Variants in SDK2 observed in about 807,000 individuals in gnomAD.
SDK2 encodes protein sidekick-2.
Under a neutral mutation model 253.9 loss-of-function variants are expected in SDK2, and 105 were observed. The observed-to-expected ratio is 0.41, with a 90% CI of 0.35 to 0.49. The LOEUF is 0.49. Ranked by LOEUF, SDK2 falls within the 20% of genes least tolerant of loss-of-function variation. The probability of loss-of-function intolerance (pLI) is 0.06; values close to 1 mark genes in which losing one functional copy is unlikely to be tolerated. For synonymous variants in SDK2, 1,249 were observed against 1,234.9 expected (o/e 1.01, Z -0.24); for missense variants, 2,608 against 3,003.0 (o/e 0.87, Z 3.07).
At chr17:73,473,566 G>T (rs991303784) in intron 2 of SDK2, among the ~76,000 whole-genome samples, 6 of 152,202 alleles carry the variant, frequency 3.9e-5, no homozygotes, top group African/African-American at 1.2e-4. Context: ...CTTATTCCTG[G>T]GAGATGCCAG....
At chr17:73,599,276 A>G (rs1392666093) in intron 1 of SDK2, among the ~76,000 whole-genome samples, 1 of 152,226 alleles carries the variant, frequency 6.6e-6, no homozygotes, top group Non-Finnish European at 1.5e-5. Flanking sequence ...TCACGCCTGT[A>G]ATCCCAGCAC....
rs560216538 is a variant in SDK2 at position 73,383,814 on chromosome 17, C to G, written c.4705+62G>C. The stretch of plus-strand genomic sequence containing the variant: ...TTCCAGGAAGCTGAGAGCTCCAGAG[C>G]GGGAAGGTGAGGGTGACCGCCCCCA... On this transcript the variant is annotated intron_variant, in intron 33 of 44. Coordinates refer to ENST00000392650, the MANE Select transcript of SDK2 (RefSeq NM_001144952.2). The surrounding 1 kb of genome is among the most constrained non-coding windows in gnomAD (Gnocchi z 4.3). 18 of 1,596,888 alleles carry G rather than the reference C, an allele frequency of 1.1e-5. No homozygotes were observed. Among genetic ancestry groups the G allele is most frequent in the Non-Finnish European group, 1.5e-5 (17 of 1,167,032 alleles).
chr17:73,491,808 C>T (rs969415652), intron 2 of SDK2, among the ~76,000 whole-genome samples: 11 of 152,134 alleles, frequency 7.2e-5, no homozygotes, highest in African/African-American at 2.7e-4. Context: ...AGAATTGGAC[C>T]AGAACTGTGC....
intron 44 of SDK2, among the ~76,000 whole-genome samples, chr17:73,340,309 A>G (rs2062423874): frequency 6.6e-6 from 1 of 152,196 alleles, no homozygotes; most frequent in South Asian, 2.1e-4. Context: ...CCATCACCCC[A>G]AAGTAAAACC....
chr17:73,381,369 A>G lies in SDK2; in HGVS notation c.4706-419T>C, dbSNP rs115373007. Among the ~76,000 whole-genome samples, 589 of 152,156 alleles carry G rather than the reference A, an allele frequency of 3.9e-3. 2 individuals are homozygous for G. Among genetic ancestry groups the G allele is most frequent in the African/African-American group, 0.014 (561 of 41,530 alleles). On this transcript the variant is annotated intron_variant, in intron 33 of 44. Coordinates refer to ENST00000392650, the MANE Select transcript of SDK2 (RefSeq NM_001144952.2). ...TTTTACTACTAGGAAATATGACTGTATTATACACAGGCAATATAAAATCAC... is the reference window on the plus strand; with the variant it reads ...TTTTACTACTAGGAAATATGACTGTGTTATACACAGGCAATATAAAATCAC...
intron 1 of SDK2, among the ~76,000 whole-genome samples, chr17:73,551,189 G>C (rs2045052255): frequency 6.6e-6 from 1 of 152,194 alleles, no homozygotes; most frequent in Admixed American, 6.5e-5. Flanking sequence ...CGCGCACCTT[G>C]TCTTCCCTCC....
intron 3 of SDK2, among the ~76,000 whole-genome samples, chr17:73,456,788 C>T (rs112337654): frequency 3.9e-5 from 6 of 152,220 alleles, no homozygotes; most frequent in Admixed American, 6.5e-5. Flanking sequence ...GGAAACTCTT[C>T]AGCCAGCCTG....
intron 2 of SDK2, among the ~76,000 whole-genome samples, chr17:73,502,422 G>A (rs1024082355): frequency 9.4e-5 from 11 of 116,784 alleles, no homozygotes; most frequent in African/African-American, 3.6e-4. Flanking sequence ...TTATTTAAAA[G>A]GTGAACCTGG....
chr17:73,395,077 C>A lies in SDK2; in HGVS notation c.3592+78G>T, dbSNP rs568583229. On this transcript the variant is annotated intron_variant, in intron 25 of 44. Coordinates refer to ENST00000392650, the MANE Select transcript of SDK2 (RefSeq NM_001144952.2). This position sits in a 1 kb window ranked among gnomAD's most constrained non-coding sequence, Gnocchi z 4.3. ...TTTGAACAACACCTTCAGCCTGGCA[C>A]GCGCTTGGATGACCCTGAGGGCATA... 4.5e-6 allele frequency: 5 copies of A among 1,123,486 alleles called. No individual in the cohort carries two copies. The Admixed American group carries it at 6.6e-5, about 15-fold the overall frequency. 69.6% of individuals were successfully genotyped at this position (1,123,486 alleles called of 1,614,324 possible). A position where few individuals can be genotyped will look rare whatever the true frequency, so the allele number is the denominator to read the frequency against.
intron 3 of SDK2, among the ~76,000 whole-genome samples, chr17:73,469,995 C>CGCGCGT: frequency 7.9e-6 from 1 of 126,458 alleles, no homozygotes; most frequent in Non-Finnish European, 1.7e-5. Flanking sequence ...CGCGCGCGCA[C>CGCGCGT]ACACACACAC....
In SDK2 at chr17:73,361,242, G is replaced by A. The variant is rs952956230; in HGVS notation, c.5467+442C>T. ...ACCCTGGGAACGTGCATTTTAGTGC[G>A]CCCTGCTCTGAGAACCGCTGCCTGG... On this transcript the variant is annotated intron_variant, in intron 39 of 44. Coordinates refer to ENST00000392650, the MANE Select transcript of SDK2 (RefSeq NM_001144952.2). This position sits in a 1 kb window ranked among gnomAD's most constrained non-coding sequence, Gnocchi z 4.1. Among the ~76,000 whole-genome samples the A allele has an allele frequency of 2.0e-5, 3 of 152,144 alleles. No homozygotes were observed. Among genetic ancestry groups the A allele is most frequent in the African/African-American group, 7.2e-5 (3 of 41,424 alleles).
At chr17:73,396,946 T>C (rs1280732343) in intron 24 of SDK2, among the ~76,000 whole-genome samples, 1 of 152,172 alleles carries the variant, frequency 6.6e-6, no homozygotes, top group Admixed American at 6.5e-5. Flanking sequence ...AATCAATAAC[T>C]CATATTTATC....
intron 44 of SDK2, among the ~76,000 whole-genome samples, chr17:73,345,414 G>A (rs892240701): frequency 1.3e-5 from 2 of 152,082 alleles, no homozygotes; most frequent in Non-Finnish European, 2.9e-5. Flanking sequence ...AAATGAAAAC[G>A]TGGTTATTTA....
chr17:73,341,366 C>A (rs1243358771), intron 44 of SDK2, among the ~76,000 whole-genome samples: 2 of 150,722 alleles, frequency 1.3e-5, no homozygotes, highest in Non-Finnish European at 1.5e-5. Context: ...ACATGGTGCA[C>A]CCCTTCCCCT....
At chr17:73,355,174 A>ATTTTTT (rs770032791) in intron 40 of SDK2, among the ~76,000 whole-genome samples, 22 of 47,228 alleles carry the variant, frequency 4.7e-4, no homozygotes, top group South Asian at 1.8e-3. Context: ...ATATATATAT[A>ATTTTTT]TTTTTTTTTT....
At chr17:73,561,560 T>C (rs1322724309) in intron 1 of SDK2, among the ~76,000 whole-genome samples, 1 of 152,170 alleles carries the variant, frequency 6.6e-6, no homozygotes, top group African/African-American at 2.4e-5. Flanking sequence ...CAGGGTCATT[T>C]TGGGGGCACT....
At chr17:73,452,992 T>A (rs1303479879) in intron 4 of SDK2, among the ~76,000 whole-genome samples, 1 of 152,242 alleles carries the variant, frequency 6.6e-6, no homozygotes. Flanking sequence ...GGGCACACTC[T>A]GACTCACACA....
chr17:73,415,851 C>T lies in SDK2; in HGVS notation c.2328G>A (p.Gly776=). The T allele has an allele frequency of 6.4e-7, 1 of 1,560,332 alleles. No individual in the cohort carries two copies. Among genetic ancestry groups the T allele is most frequent in the Non-Finnish European group, 8.7e-7 (1 of 1,151,964 alleles). Residue 776 remains glycine, a synonymous_variant, in exon 17 of 45, where the codon GGG becomes GGA. Coordinates refer to ENST00000392650, the MANE Select transcript of SDK2 (RefSeq NM_001144952.2). ...EVAAYNSAGL[G]VYSSKVTEWT... Reference sequence around the variant, plus strand: ...ACTCGGTGACTTTACTGCTGTAGACCCCCAGCCCAGCGCTGTTGTAAGCAG... The same window carrying T: ...ACTCGGTGACTTTACTGCTGTAGACTCCCAGCCCAGCGCTGTTGTAAGCAG...
intron 12 of SDK2, 137 bp from the exon 13 acceptor site, chr17:73,424,229 TGGGATCG>T: frequency 1.4e-6 from 1 of 693,300 alleles, no homozygotes; most frequent in South Asian, 1.9e-5. Context: ...GGCAGGACAC[TGGGATCG>T]GGGAGCGGGA....
Sources: gnomAD v4.1 joint callset for allele counts (sites outside exome capture counted in the v4.1 genomes callset) on GRCh38, gnomAD v4.1.1 for gene constraint, Gnocchi (gnomAD v3.1) non-coding constraint, MANE v1.5 for transcripts, NCBI Gene and HGNC (gene_info 2026-07-23, HGNC 2026-07-21) for gene names.